The following UBAP1 variants were observed in gnomAD, a reference collection of about 807,000 sequenced individuals.
UBAP1 encodes ubiquitin associated protein 1, also known as ubiquitin-associated protein 1.
UBAP1 carries 5 observed loss-of-function variants against 39.0 expected under a neutral mutation model. The observed-to-expected ratio is 0.13, with a 90% CI of 0.07 to 0.27. The LOEUF is 0.27. Among genes scored for constraint, UBAP1 ranks in the 10% least tolerant of loss-of-function variants. The pLI, the probability that UBAP1 is intolerant of heterozygous loss-of-function variation, is 1.00. For missense variants in UBAP1, 490 were observed against 608.1 expected (o/e 0.81, Z 2.04); for synonymous variants, 211 against 225.1 (o/e 0.94, Z 0.56).
At chr9:34,185,534 G>A (rs532236523) in intron 1 of UBAP1, among the ~76,000 whole-genome samples, 3 of 148,842 alleles carry the variant, frequency 2.0e-5, no homozygotes, top group Admixed American at 6.7e-5. Context: ...GGGCAACAGA[G>A]CAAGATCCTA....
chr9:34,213,530 C>T (rs772580479), intron 1 of UBAP1, among the ~76,000 whole-genome samples: 1 of 151,686 alleles, frequency 6.6e-6, no homozygotes, highest in Non-Finnish European at 1.5e-5. Context: ...AACAAAAAAA[C>T]CCAACCATCT....
chr9:34,248,042 A>ATT (rs563972736), intron 4 of UBAP1, among the ~76,000 whole-genome samples: 81 of 144,782 alleles, frequency 5.6e-4, no homozygotes, highest in African/African-American at 1.5e-3. Context: ...AATAGATACG[A>ATT]TTTTTTTTTT....
chr9:34,208,837 G>A (rs952954482), intron 1 of UBAP1, among the ~76,000 whole-genome samples: 8 of 151,504 alleles, frequency 5.3e-5, no homozygotes, highest in South Asian at 2.1e-4. Flanking sequence ...CCAGCTACTC[G>A]GGAGGCTGAG....
intron 4 of UBAP1, among the ~76,000 whole-genome samples, chr9:34,248,816 C>T (rs1834314359): frequency 1.3e-5 from 2 of 152,170 alleles, no homozygotes; most frequent in Non-Finnish European, 2.9e-5. Context: ...CTCCCTCTCC[C>T]CACCAATAAA....
intron 2 of UBAP1, among the ~76,000 whole-genome samples, chr9:34,232,704 A>G (rs1391791108): frequency 6.6e-6 from 1 of 152,212 alleles, no homozygotes; most frequent in Non-Finnish European, 1.5e-5. Flanking sequence ...TGAGATCTAC[A>G]CAGTTTTCGT....
chr9:34,236,743 G>A (rs1012067079), intron 3 of UBAP1, among the ~76,000 whole-genome samples: 3 of 151,594 alleles, frequency 2.0e-5, no homozygotes, highest in East Asian at 1.9e-4. Flanking sequence ...TTCTGCTTGC[G>A]GTGTTTTCCT....
chr9:34,231,176 T>TGTGTG (rs74180554), intron 2 of UBAP1, among the ~76,000 whole-genome samples: 5 of 135,138 alleles, frequency 3.7e-5, no homozygotes, highest in Non-Finnish European at 4.7e-5. Context: ...TGTGTGTGTG[T>TGTGTG]TGGGGTCGGG....
chr9:34,212,392 AACACACACAC>A (rs35251034), intron 1 of UBAP1, among the ~76,000 whole-genome samples: 3 of 142,262 alleles, frequency 2.1e-5, no homozygotes, highest in Admixed American at 7.3e-5. Flanking sequence ...TTTCTATTAA[AACACACACAC>A]ACACACACAC....
chr9:34,233,449 T>C (rs1010656223), intron 2 of UBAP1, among the ~76,000 whole-genome samples: 2 of 152,056 alleles, frequency 1.3e-5, no homozygotes, highest in African/African-American at 4.8e-5. Flanking sequence ...AGTAATTCTT[T>C]ATATTAATTG....
In UBAP1 at chr9:34,181,116, C is replaced by CTTTTTTTTTTTTTT. The variant is rs67856544; in HGVS notation, c.-8+1880_-8+1893dup. Among the ~76,000 whole-genome samples the CTTTTTTTTTTTTTT allele has an allele frequency of 6.0e-4, 43 of 72,268 alleles. 3 individuals carry two copies. Among genetic ancestry groups the CTTTTTTTTTTTTTT allele is most frequent in the Non-Finnish European group, 6.9e-4 (27 of 39,222 alleles). The allele number at this position is 72,268 out of a possible 152,430, so 47.4% of individuals were successfully genotyped here. A position where few individuals can be genotyped will look rare whatever the true frequency, so the allele number is the denominator to read the frequency against. On this transcript the variant is annotated intron_variant, in intron 1 of 6. Transcript: ENST00000297661. The stretch of plus-strand genomic sequence containing the variant: ...TGAGCCACCGCACCCGGCCTGTTTT[C>CTTTTTTTTTTTTTT]TTTTTTTTTTTTTTTTTGAGACAGA...
intron 1 of UBAP1, among the ~76,000 whole-genome samples, chr9:34,188,518 C>T (rs1458899588): frequency 3.3e-5 from 5 of 149,676 alleles, no homozygotes; most frequent in Admixed American, 6.7e-5. Context: ...TCACCTGCTT[C>T]GGCCTCCCCA....
chr9:34,189,518 A>G (rs1444237946), intron 1 of UBAP1, among the ~76,000 whole-genome samples: 2 of 151,894 alleles, frequency 1.3e-5, no homozygotes, highest in East Asian at 3.9e-4. Flanking sequence ...ATACCTCATG[A>G]GAGAAGTGAT....
chr9:34,234,351 A>G lies in UBAP1; in HGVS notation c.159+11A>G. 1 of 1,579,632 alleles carries G rather than the reference A, an allele frequency of 6.3e-7. No individual in the cohort carries two copies. Among genetic ancestry groups the G allele is most frequent in the East Asian group, 2.3e-5 (1 of 44,432 alleles). On this transcript the variant is annotated intron_variant, in intron 3 of 6. Transcript: ENST00000297661. ...GTCAGAGAAGTACAGGTAAGTGGTA[A>G]TTTTTAGTTAAAGTTTAGTGCATTT...
intron 1 of UBAP1, among the ~76,000 whole-genome samples, chr9:34,195,927 G>GTTTTTTTTTTTTTTT (rs57040252): frequency 8.3e-5 from 3 of 36,156 alleles, no homozygotes; most frequent in East Asian, 1.0e-3. Context: ...AAATTTTTTG[G>GTTTTTTTTTTTTTTT]TTTTTTTTTT....
chr9:34,220,204 GTTCAGTGGCACCTTC>G (rs2131580066), intron 1 of UBAP1, among the ~76,000 whole-genome samples: 1 of 115,180 alleles, frequency 8.7e-6, no homozygotes, highest in South Asian at 3.1e-4. Context: ...ACAGGCTAGA[GTTCAGTGGCACCTTC>G]TTAACTCACT....
At chr9:34,182,431 C>T (rs906897350) in intron 1 of UBAP1, among the ~76,000 whole-genome samples, 2 of 151,730 alleles carry the variant, frequency 1.3e-5, no homozygotes, top group Non-Finnish European at 2.9e-5. Flanking sequence ...ATGACCTACC[C>T]GCCTCGGCCT....
chr9:34,242,762 T>G (rs1054779365), intron 4 of UBAP1, among the ~76,000 whole-genome samples: 4 of 152,162 alleles, frequency 2.6e-5, no homozygotes, highest in African/African-American at 4.8e-5. Flanking sequence ...TGACCTTAGT[T>G]GATCCACCTG....
intron 1 of UBAP1, among the ~76,000 whole-genome samples, chr9:34,181,315 A>G (rs566285236): frequency 3.4e-5 from 5 of 147,440 alleles, no homozygotes; most frequent in African/African-American, 1.3e-4. Flanking sequence ...ACGGGGTTTC[A>G]CCGTGTTAGC....
chr9:34,209,607 C>T (rs1414559026), intron 1 of UBAP1, among the ~76,000 whole-genome samples: 2 of 152,112 alleles, frequency 1.3e-5, no homozygotes, highest in East Asian at 3.8e-4. Flanking sequence ...AGTCTATAAC[C>T]TAGAGTCATT....
Sources: allele counts gnomAD v4.1 joint callset (sites outside exome capture counted in the v4.1 genomes callset), GRCh38; gene constraint gnomAD v4.1.1; transcripts MANE v1.5; gene names NCBI Gene and HGNC (gene_info 2026-07-23, HGNC 2026-07-21).